Variants in DCLK1 observed in about 807,000 individuals in gnomAD.
The protein encoded by DCLK1 is doublecortin like kinase 1.
A neutral mutation model predicts 86.2 loss-of-function variants in DCLK1; 16 were observed. The ratio of observed to expected loss-of-function variants is 0.19; its 90% CI spans 0.13 to 0.28. The LOEUF (loss-of-function observed/expected upper bound fraction) is 0.28. Ranked by LOEUF, DCLK1 falls within the 10% of genes least tolerant of loss-of-function variation. DCLK1 has a pLI of 1.00. For synonymous variants in DCLK1, 369 were observed against 370.5 expected, an observed-to-expected ratio of 1.00 and a Z score of 0.05; for missense variants, 590 against 940.2, an observed-to-expected ratio of 0.63 and a Z score of 4.87.
intron 3 of DCLK1, among the ~76,000 whole-genome samples, chr13:36,006,551 C>T (rs1187433387): frequency 6.6e-6 from 1 of 152,234 alleles, no homozygotes; most frequent in African/African-American, 2.4e-5. Flanking sequence ...TGCTTTGCCA[C>T]TTTCCATGTT....
chr13:35,912,993 C>T (rs1310924069), intron 4 of DCLK1, among the ~76,000 whole-genome samples: 1 of 152,214 alleles, frequency 6.6e-6, no homozygotes, highest in African/African-American at 2.4e-5. Flanking sequence ...CTCATATGCT[C>T]CTTCCTGCAA....
intron 11 of DCLK1, among the ~76,000 whole-genome samples, chr13:35,814,176 G>A (rs1374233628): frequency 6.6e-6 from 1 of 152,056 alleles, no homozygotes; most frequent in Admixed American, 6.5e-5. Flanking sequence ...GTTACACAGG[G>A]GCATGACTGA....
chr13:35,841,573 A>G (rs1308710378), intron 6 of DCLK1, among the ~76,000 whole-genome samples: 4 of 152,104 alleles, frequency 2.6e-5, no homozygotes, highest in African/African-American at 9.7e-5. Flanking sequence ...TTATGTTTAT[A>G]ACTGCTTATT....
At chr13:35,796,144 G>C (rs2153100095) in intron 15 of DCLK1, among the ~76,000 whole-genome samples, 1 of 152,208 alleles carries the variant, frequency 6.6e-6, no homozygotes, top group South Asian at 2.1e-4. Flanking sequence ...AATGAAAGGG[G>C]CCACCTTGGG....
intron 3 of DCLK1, among the ~76,000 whole-genome samples, chr13:35,978,182 G>GT (rs71081300): frequency 2.6e-4 from 32 of 122,038 alleles, no homozygotes; most frequent in Admixed American, 6.6e-4. Context: ...TAGAGTTCCA[G>GT]TTTTTTTTTT....
intron 4 of DCLK1, among the ~76,000 whole-genome samples, chr13:35,891,391 C>T (rs1380056533): frequency 1.3e-5 from 2 of 152,106 alleles, no homozygotes; most frequent in African/African-American, 4.8e-5. Flanking sequence ...CCAATTATAA[C>T]ATTACTTTTG....
intron 4 of DCLK1, among the ~76,000 whole-genome samples, chr13:35,918,049 C>T (rs944258195): frequency 2.0e-5 from 3 of 152,200 alleles, no homozygotes; most frequent in African/African-American, 7.2e-5. Context: ...AACACTGTTA[C>T]AGTCAAATGG....
intron 2 of DCLK1, among the ~76,000 whole-genome samples, chr13:36,117,028 T>C (rs1435424741): frequency 6.6e-6 from 1 of 152,170 alleles, no homozygotes; most frequent in East Asian, 1.9e-4. Context: ...TGCTTATGGG[T>C]CATTCTTTTG....
At chr13:35,985,075 TGA>T (rs1271708979) in intron 3 of DCLK1, among the ~76,000 whole-genome samples, 3 of 152,124 alleles carry the variant, frequency 2.0e-5, no homozygotes, top group Non-Finnish European at 4.4e-5. Flanking sequence ...AATCCACATG[TGA>T]GTGTGTGCGC....
chr13:35,885,352 TA>T (rs1434207440), intron 4 of DCLK1, among the ~76,000 whole-genome samples: 5 of 151,526 alleles, frequency 3.3e-5, no homozygotes, highest in Admixed American at 1.3e-4. Flanking sequence ...CAAAAATAAA[TA>T]AATAAACAAA....
intron 4 of DCLK1, among the ~76,000 whole-genome samples, chr13:35,905,772 C>T (rs185948503): frequency 2.6e-5 from 4 of 152,034 alleles, no homozygotes; most frequent in African/African-American, 9.6e-5. Flanking sequence ...ATGGTGAAAC[C>T]CTGCCTCTAC....
At position 36,043,868 on chromosome 13, in the gene DCLK1, A is replaced by G. The variant is rs564071654; in HGVS notation, c.723+68001T>C. On this transcript the variant is annotated intron_variant, in intron 3 of 16. Transcript: ENST00000360631. ...ATGTATCCTTTGTTAGGAAACCATCAGAGAAACTCTTCCAAAAAATGAGAT... is the reference window on the plus strand; with the variant it reads ...ATGTATCCTTTGTTAGGAAACCATCGGAGAAACTCTTCCAAAAAATGAGAT... 2.6e-5 allele frequency among the ~76,000 whole-genome samples: 4 copies of G among 152,356 alleles called. No individual in the cohort carries two copies. In the East Asian group the frequency reaches 7.7e-4, roughly 29 times the overall value.
At chr13:35,910,484 T>G (rs1466357692) in intron 4 of DCLK1, among the ~76,000 whole-genome samples, 1 of 152,248 alleles carries the variant, frequency 6.6e-6, no homozygotes, top group Non-Finnish European at 1.5e-5. Context: ...CAAGATAATT[T>G]GAATATTTCT....
chr13:36,118,624 C>G (rs1245230690), intron 2 of DCLK1, among the ~76,000 whole-genome samples: 1 of 151,954 alleles, frequency 6.6e-6, no homozygotes, highest in Non-Finnish European at 1.5e-5. Context: ...GAAGAGAAAA[C>G]AAGTTGGAGA....
intron 4 of DCLK1, among the ~76,000 whole-genome samples, chr13:35,883,311 T>A (rs1873028890): frequency 6.6e-6 from 1 of 152,122 alleles, no homozygotes; most frequent in African/African-American, 2.4e-5. Flanking sequence ...GTGCCATCCA[T>A]GAGGTAATGA....
rs140624983 is a variant in DCLK1 at position 35,868,747 on chromosome 13, T to C, written c.940+2477A>G. ...CTAGGCTTATGACTTTGTTCTCCTTTATTGCTCCATGGGAGTTCACCCTAT... is the reference window on the plus strand; with the variant it reads ...CTAGGCTTATGACTTTGTTCTCCTTCATTGCTCCATGGGAGTTCACCCTAT... On this transcript the variant is annotated intron_variant, in intron 5 of 16. Transcript: ENST00000360631. Among the ~76,000 whole-genome samples the C allele has an allele frequency of 2.6e-5, 4 of 152,324 alleles. No homozygotes were observed. The East Asian group carries it at 7.7e-4, about 29-fold the overall frequency.
chr13:35,776,997 T>G (rs1262231991), intron 16 of DCLK1, among the ~76,000 whole-genome samples: 1 of 152,232 alleles, frequency 6.6e-6, no homozygotes, highest in Non-Finnish European at 1.5e-5. Flanking sequence ...TGCAAATCCT[T>G]GTAAGAACAA....
At chr13:36,084,788 C>T (rs1161386909) in intron 3 of DCLK1, among the ~76,000 whole-genome samples, 2 of 152,144 alleles carry the variant, frequency 1.3e-5, no homozygotes, top group African/African-American at 4.8e-5. Context: ...ATGCAAATGG[C>T]CTTCGCTACT....
At chr13:35,858,921 C>T (rs1224689750) in intron 5 of DCLK1, among the ~76,000 whole-genome samples, 2 of 152,302 alleles carry the variant, frequency 1.3e-5, no homozygotes, top group African/African-American at 4.8e-5. Flanking sequence ...TTAGCAACTT[C>T]TTAAAATGGT....
Sources: allele counts gnomAD v4.1 joint callset (sites outside exome capture counted in the v4.1 genomes callset), GRCh38; gene constraint gnomAD v4.1.1; transcripts MANE v1.5; gene names NCBI Gene and HGNC (gene_info 2026-07-23, HGNC 2026-07-21).